The following HYI variants were observed in gnomAD, a reference collection of about 807,000 sequenced individuals.
HYI encodes the protein hydroxypyruvate isomerase (putative).
In HYI, 47 loss-of-function variants were observed where a neutral mutation model predicts 39.7. The observed-to-expected ratio is 1.18, with a 90% CI of 0.94 to 1.51. The LOEUF (loss-of-function observed/expected upper bound fraction) is 1.51. HYI is among the 40% of genes most tolerant of loss of function. The pLI is 0.00. For missense variants in HYI, 465 were observed against 370.3 expected (o/e 1.26, Z -2.10); for synonymous variants, 186 against 158.8 (o/e 1.17, Z -1.29).
chr1:43,451,348 A>G, intron 7 of HYI, 37 bp from the exon 8 acceptor site: 3 of 1,612,822 alleles, frequency 1.9e-6, no homozygotes, highest in South Asian at 2.2e-5. Flanking sequence ...CTCAGCCCAC[A>G]AGGAGAAAAC....
intron 4 of HYI, 31 bp from the exon 5 acceptor site, chr1:43,451,878 G>A: frequency 1.9e-6 from 3 of 1,614,060 alleles, no homozygotes; most frequent in Non-Finnish European, 2.5e-6. Flanking sequence ...GGGACCGTGA[G>A]CCTCAAGAGC....
chr1:43,450,910 T>A (rs1206080777), downstream of HYI: 6 of 745,464 alleles, frequency 8.0e-6, no homozygotes, highest in Non-Finnish European at 1.5e-5. This position sits in a 1 kb window ranked among gnomAD's most constrained non-coding sequence, Gnocchi z 4.3. Flanking sequence ...ACATCACTGC[T>A]GGACATTCCC....
At position 43,452,498 on chromosome 1, in the gene HYI, A is replaced by G; in HGVS notation, c.312-179T>C. On this transcript the variant is annotated intron_variant, in intron 2 of 7. Coordinates refer to ENST00000372430, the MANE Select transcript of HYI (RefSeq NM_001190880.3). ...ACACTTCAGTGATGGCTGAGGGGCA[A>G]GCCCTTTCCCAGACATCTCAGTGTC... The G allele has an allele frequency of 5.8e-6, 4 of 692,346 alleles. No individual in the cohort carries two copies. The East Asian group carries it at 1.1e-4, about 19-fold the overall frequency. The allele number at this position is 692,346 out of a possible 1,614,324, so 42.9% of individuals were successfully genotyped here. A position where few individuals can be genotyped will look rare whatever the true frequency, so the allele number is the denominator to read the frequency against.
At chr1:43,453,319 C>T in intron 2 of HYI, 67 bp downstream of exon 2, 2 of 1,065,922 alleles carry the variant, frequency 1.9e-6, no homozygotes, top group Admixed American at 2.3e-5. Flanking sequence ...GATCTGGCGT[C>T]CTCGACTCCC....
In HYI at chr1:43,451,312, C is replaced by T. The variant is rs1457387387; in HGVS notation, c.761-1G>A. ...CAACTCAAGCCCTCTACTGTGTCTC[C>T]TGCAGGGAGAGGGAGGCCTCGGCAC... On this transcript the variant is annotated splice_acceptor_variant, in intron 7 of 7. Transcript: ENST00000372430. LOFTEE classifies it high-confidence loss of function. 7 of 1,613,744 alleles carry T rather than the reference C, an allele frequency of 4.3e-6. No homozygotes were observed. The highest frequency in any genetic ancestry group is 1.3e-5 in the African/African-American group (1 of 74,918).
Position 43,451,250 on chromosome 1 carries a change from C to T in HYI, c.822G>A (p.Glu274=), listed in dbSNP as rs568498553. The part of the protein sequence containing the change: ...RSYWDRRGHP[E]AGQ ...GGTGTGCGGGCCCTCACTGGCCAGCCTCTGGGTGGCCCCGCCTATCCCAGT... is the reference window on the plus strand; with the variant it reads ...GGTGTGCGGGCCCTCACTGGCCAGCTTCTGGGTGGCCCCGCCTATCCCAGT... The change falls in exon 8 of 8, where the codon GAG becomes GAA. Residue 274 remains glutamate (E), a synonymous_variant. Coordinates refer to ENST00000372430, the MANE Select transcript of HYI (RefSeq NM_001190880.3). 83 of 1,614,006 alleles carry T rather than the reference C, an allele frequency of 5.1e-5. No individual in the cohort carries two copies. The African/African-American group carries it at 1.0e-3, about 20-fold the overall frequency.
At chr1:43,452,134 C>A in intron 3 of HYI, 71 bp downstream of exon 3, 1 of 1,495,280 alleles carries the variant, frequency 6.7e-7, no homozygotes, top group East Asian at 2.3e-5. Flanking sequence ...ACGTGCTGTC[C>A]CCACTGTGCA....
intron 1 of HYI, 39 bp downstream of exon 1, chr1:43,453,556 A>C (rs1656690260): frequency 1.3e-6 from 2 of 1,511,030 alleles, no homozygotes. Flanking sequence ...GCGCCCCGGC[A>C]CCCCCCAGCC....
rs928429262 is a variant in HYI at position 43,453,808 on chromosome 1, G to T, written c.-15C>A. On this transcript the variant is annotated 5_prime_UTR_variant, in exon 1 of 8. Transcript: ENST00000372430. ...AGCGGCGCCATGCCTGGGGAGGCCG[G>T]GCCGGGCGGAGTCCGCGGGATCCAA... The T allele has an allele frequency of 8.0e-7, 1 of 1,253,014 alleles. No individual in the cohort carries two copies. 77.6% of individuals were successfully genotyped at this position (1,253,014 alleles called of 1,614,324 possible). A position where few individuals can be genotyped will look rare whatever the true frequency, so the allele number is the denominator to read the frequency against.
rs1342740746 is a variant in HYI, at chr1:43,451,044, C to T, written c.*194G>A. ...TTAATGAGGTGGGTTCAGAAGCTCTCCCATCTTCACAGCAACCCTGGCACT... is the reference window on the plus strand; with the variant it reads ...TTAATGAGGTGGGTTCAGAAGCTCTTCCATCTTCACAGCAACCCTGGCACT... On this transcript the variant is annotated 3_prime_UTR_variant, in exon 8 of 8. Transcript: ENST00000372430. 2.6e-6 allele frequency: 2 copies of T among 782,256 alleles called. No individual in the cohort carries two copies. Among genetic ancestry groups the T allele is most frequent in the Non-Finnish European group, 4.6e-6 (2 of 434,958 alleles). The allele number at this position is 782,256 out of a possible 1,614,324, so 48.5% of individuals were successfully genotyped here.
In HYI at chr1:43,452,226, A is replaced by G. The variant is rs1018991318; in HGVS notation, c.405T>C (p.His135=). The G allele has an allele frequency of 1.5e-5, 24 of 1,613,556 alleles. 3 individuals are homozygous for G. In the Middle Eastern group the frequency reaches 2.6e-3, roughly 178 times the overall value. ...TCACCTGAGCCAAAACCCCAGCTGC[A>G]TGCCTCAGGTTCTCCAGAAAAACGG... ...MEAVFLENLR[H]AAGVLAQEDL... is the part of the protein sequence containing the mutation. The change falls in exon 3 of 8, where the codon CAT becomes CAC. Residue 135 remains histidine, a synonymous_variant. Coordinates refer to ENST00000372430, the MANE Select transcript of HYI (RefSeq NM_001190880.3).
intron 2 of HYI, 111 bp from the exon 3 acceptor site, chr1:43,452,430 G>A: frequency 1.2e-6 from 1 of 838,834 alleles, no homozygotes; most frequent in Non-Finnish European, 2.0e-6. Flanking sequence ...TCCAGTCCAT[G>A]GCACCTGGGT....
chr1:43,453,891 C>A lies in HYI; in HGVS notation c.-98G>T, dbSNP rs1656755684. 2.5e-6 allele frequency: 3 copies of A among 1,223,210 alleles called. No individual in the cohort carries two copies. In the African/African-American group the frequency reaches 4.8e-5, roughly 20 times the overall value. The allele number at this position is 1,223,210 out of a possible 1,614,324, so 75.8% of individuals were successfully genotyped here. A position where few individuals can be genotyped will look rare whatever the true frequency, so the allele number is the denominator to read the frequency against. ...GGGGGCGGGGCTCTCCTTGCTGGCC[C>A]TGCGAACGAACGAGCACTGTTCGTG... On this transcript the variant is annotated 5_prime_UTR_variant, in exon 1 of 8. It adds an upstream start codon to the 5' untranslated region. Coordinates refer to ENST00000372430, the MANE Select transcript of HYI (RefSeq NM_001190880.3).
At position 43,451,257 on chromosome 1, in the gene HYI, T is replaced by C; in HGVS notation, c.815A>G (p.His272Arg). The change falls in exon 8 of 8, where the codon CAC becomes CGC. Residue 272 changes from histidine (H) to arginine (R), a missense_variant. Coordinates refer to ENST00000372430, the MANE Select transcript of HYI (RefSeq NM_001190880.3). ...GGGCCCTCACTGGCCAGCCTCTGGG[T>C]GGCCCCGCCTATCCCAGTATGAACG... ...WLRSYWDRRG[H>R]PEAGQ The C allele has an allele frequency of 6.2e-7, 1 of 1,613,968 alleles. No individual in the cohort carries two copies. Among genetic ancestry groups the C allele is most frequent in the Non-Finnish European group, 8.5e-7 (1 of 1,180,028 alleles).
At chr1:43,453,524 C>CG (rs1245297295) in intron 1 of HYI, 27 bp from the exon 2 acceptor site, 10 of 1,532,952 alleles carry the variant, frequency 6.5e-6, no homozygotes, top group Non-Finnish European at 7.9e-6. Flanking sequence ...CCTCAGCCCC[C>CG]GGCTCGGACA....
intron 3 of HYI, 88 bp from the exon 4 acceptor site, chr1:43,452,101 C>G: frequency 6.6e-7 from 1 of 1,515,300 alleles, no homozygotes; most frequent in Non-Finnish European, 9.1e-7. Flanking sequence ...TCACCTGTTC[C>G]TCTGACCTAG....
intron 2 of HYI, chr1:43,452,850 C>T: frequency 6.5e-7 from 1 of 1,546,596 alleles, no homozygotes; most frequent in Non-Finnish European, 8.8e-7. Context: ...ATCTTAGCCA[C>T]ATCCAGCTCC....
At chr1:43,452,921 G>A (rs969584373) in intron 2 of HYI, 5 of 1,606,152 alleles carry the variant, frequency 3.1e-6, no homozygotes, top group South Asian at 2.2e-5. Flanking sequence ...CCTCAGGAAC[G>A]CTGCCAAATA....
At chr1:43,450,610 T>G (rs1044606165), downstream of HYI, 3 of 1,360,842 alleles carry the variant, frequency 2.2e-6, no homozygotes, top group African/African-American at 4.4e-5. This position sits in a 1 kb window ranked among gnomAD's most constrained non-coding sequence, Gnocchi z 4.3. Flanking sequence ...CACCAAAGGC[T>G]TTGTAACTAT....
Sources: allele counts gnomAD v4.1 joint callset, GRCh38; gene constraint gnomAD v4.1.1; non-coding constraint Gnocchi (gnomAD v3.1); transcripts MANE v1.5; gene names NCBI Gene and HGNC (gene_info 2026-07-23, HGNC 2026-07-21).